Variants in SLC25A23 observed in about 807,000 individuals in gnomAD.
SLC25A23 encodes the protein solute carrier family 25 member 23.
In SLC25A23, 32 loss-of-function variants were observed where a neutral mutation model predicts 53.9. The observed-to-expected ratio is 0.59, with a 90% confidence interval of 0.45 to 0.80. The LOEUF is 0.80. SLC25A23 is among the 30% of genes least tolerant of loss of function. The pLI is 0.00. For synonymous variants in SLC25A23, 275 were observed against 264.5 expected, an observed-to-expected ratio of 1.04 and a Z score of -0.38; for missense variants, 575 against 651.4, an observed-to-expected ratio of 0.88 and a Z score of 1.28.
intron 8 of SLC25A23, among the ~76,000 whole-genome samples, chr19:6,445,503 G>C (rs1454816433): frequency 6.6e-6 from 1 of 152,152 alleles, no homozygotes; most frequent in Non-Finnish European, 1.5e-5. Context: ...CTTTGAAGAT[G>C]GAAGAAGGGA....
chr19:6,441,988 A>G lies in SLC25A23; in HGVS notation c.1394T>C (p.Val465Ala). 1 of 1,613,552 alleles carries G rather than the reference A, an allele frequency of 6.2e-7. No homozygotes were observed. Among genetic ancestry groups the G allele is most frequent in the East Asian group, 2.2e-5 (1 of 44,870 alleles). ...GCTCCGGGTCCCTCACCTGGACGTGACCCCCAAGGCCTGCTTCATGTTCTC... is the reference window on the plus strand; with the variant it reads ...GCTCCGGGTCCCTCACCTGGACGTGGCCCCCAAGGCCTGCTTCATGTTCTC... ...VYENMKQALG[V>A]TSR Residue 465 changes from valine to alanine, a missense_variant, in exon 10 of 10, where the codon GTC becomes GCC. Physicochemically the swap from Val to Ala is moderately conservative, Grantham distance 64. Coordinates refer to ENST00000301454, the MANE Select transcript of SLC25A23 (RefSeq NM_024103.3).
intron 8 of SLC25A23, among the ~76,000 whole-genome samples, chr19:6,445,421 T>C (rs1263574805): frequency 6.6e-6 from 1 of 152,160 alleles, no homozygotes; most frequent in African/African-American, 2.4e-5. Context: ...AGGGCCCTTC[T>C]AAGAGTTAGA....
chr19:6,445,815 G>A (rs1451231923), intron 8 of SLC25A23, among the ~76,000 whole-genome samples: 2 of 152,088 alleles, frequency 1.3e-5, no homozygotes, highest in Non-Finnish European at 2.9e-5. Context: ...ACTTTGGGAG[G>A]CCGAGGCAAG....
intron 7 of SLC25A23, among the ~76,000 whole-genome samples, chr19:6,453,238 A>AAT (rs2092619313): frequency 8.5e-6 from 1 of 117,116 alleles, no homozygotes; most frequent in Non-Finnish European, 1.9e-5. Context: ...ATGTGATTGA[A>AAT]GTTTTTTTTT....
At chr19:6,438,506 G>A (rs993513091), downstream of SLC25A23, 1 of 152,642 alleles carries the variant, frequency 6.6e-6, no homozygotes, top group Admixed American at 6.6e-5. Flanking sequence ...CCACGAGTTC[G>A]AGATGAGCCT....
In SLC25A23 at chr19:6,454,455, G is replaced by T; in HGVS notation, c.663C>A (p.Asn221Lys). Residue 221 changes from asparagine to lysine, a missense_variant, in exon 6 of 10, where the codon AAC becomes AAA. Transcript: ENST00000301454. This position sits in a 1 kb window ranked among gnomAD's most constrained non-coding sequence, Gnocchi z 4.3. ...GAAGCCCCCCAAGGATGTTCAGCCG[G>T]TTGGTCTTTGAGGCATGGACCTGAA... Reference protein sequence around the residue: ...VFMQVHASKTNRLNILGGLRS... With the variant: ...VFMQVHASKTKRLNILGGLRS... 1 of 1,614,138 alleles carries T rather than the reference G, an allele frequency of 6.2e-7. No homozygotes were observed. Among genetic ancestry groups the T allele is most frequent in the Non-Finnish European group, 8.5e-7 (1 of 1,180,026 alleles).
Position 6,454,120 on chromosome 19 carries a change from C to T in SLC25A23, c.796-32G>A, listed in dbSNP as rs368495972. On this transcript the variant is annotated intron_variant, in intron 6 of 9. Coordinates refer to ENST00000301454, the MANE Select transcript of SLC25A23 (RefSeq NM_024103.3). This position sits in a 1 kb window ranked among gnomAD's most constrained non-coding sequence, Gnocchi z 4.3. Reference sequence around the variant, plus strand: ...CGGGGAGACACAGGGATGGGTAGGACCATGGGGGTTGAACCTTCCTTGCAC... The same window carrying T: ...CGGGGAGACACAGGGATGGGTAGGATCATGGGGGTTGAACCTTCCTTGCAC... The T allele has an allele frequency of 1.9e-6, 3 of 1,593,450 alleles. No homozygotes were observed. Among genetic ancestry groups the T allele is most frequent in the Non-Finnish European group, 2.6e-6 (3 of 1,167,880 alleles).
chr19:6,442,944 T>G (rs905074271), intron 9 of SLC25A23, among the ~76,000 whole-genome samples: 3 of 147,244 alleles, frequency 2.0e-5, no homozygotes, highest in African/African-American at 7.5e-5. Context: ...CTTTTTTTTT[T>G]TTTTTTTTTT....
chr19:6,442,021 A>G lies in SLC25A23; in HGVS notation c.1361T>C (p.Val454Ala). 1 of 1,613,900 alleles carries G rather than the reference A, an allele frequency of 6.2e-7. No individual in the cohort carries two copies. The highest frequency in any genetic ancestry group is 2.2e-5 in the East Asian group (1 of 44,864). ...GGCCTGCTTCATGTTCTCGTAGACCACATAGGAGATGCTCACAGCTGGAAT... is the reference window on the plus strand; with the variant it reads ...GGCCTGCTTCATGTTCTCGTAGACCGCATAGGAGATGCTCACAGCTGGAAT... Reference protein sequence around the residue: ...KVIPAVSISYVVYENMKQALG... With the variant: ...KVIPAVSISYAVYENMKQALG... Residue 454 changes from valine (V) to alanine (A), a missense_variant, in exon 10 of 10, where the codon GTG becomes GCG. Coordinates refer to ENST00000301454, the MANE Select transcript of SLC25A23 (RefSeq NM_024103.3).
At chr19:6,457,418 C>T in intron 3 of SLC25A23, 85 bp downstream of exon 3, 1 of 1,240,290 alleles carries the variant, frequency 8.1e-7, no homozygotes, top group South Asian at 1.3e-5. Flanking sequence ...CTCCTTGGGA[C>T]TGGGTCTGGA....
At position 6,454,587 on chromosome 19, in the gene SLC25A23, G is replaced by A. The variant is rs772602498; in HGVS notation, c.614C>T (p.Pro205Leu). The change falls in exon 5 of 10, where the codon CCT (proline) becomes CTT (leucine). Residue 205 changes from proline (P) to leucine (L), a missense_variant. Coordinates refer to ENST00000301454, the MANE Select transcript of SLC25A23 (RefSeq NM_024103.3). This position sits in a 1 kb window ranked among gnomAD's most constrained non-coding sequence, Gnocchi z 4.3. ...AGAVSRTGTA[P>L]LDRLKVFMQV... ...CATGAAGACCTTGAGGCGGTCCAGA[G>A]GGGCCGTGCCTGTCCGTGACACGGC... 1 of 1,613,816 alleles carries A rather than the reference G, an allele frequency of 6.2e-7. No homozygotes were observed. Among genetic ancestry groups the A allele is most frequent in the South Asian group, 1.1e-5 (1 of 91,082 alleles).
In SLC25A23 at chr19:6,454,438, C is replaced by T. The variant is rs759761443; in HGVS notation, c.680G>A (p.Gly227Glu). ...ASKTNRLNILGGLRSMVLEGG... is the reference protein window; with the variant it reads ...ASKTNRLNILEGLRSMVLEGG... ...CTCAAGGACCATGCTTCGAAGCCCCCCAAGGATGTTCAGCCGGTTGGTCTT... is the reference window on the plus strand; with the variant it reads ...CTCAAGGACCATGCTTCGAAGCCCCTCAAGGATGTTCAGCCGGTTGGTCTT... The change falls in exon 6 of 10, where the codon GGG becomes GAG. Residue 227 changes from glycine to glutamate, a missense_variant. Gly to Glu is a moderately conservative substitution (Grantham distance 98, BLOSUM62 -2). Coordinates refer to ENST00000301454, the MANE Select transcript of SLC25A23 (RefSeq NM_024103.3). The surrounding 1 kb of genome is among the most constrained non-coding windows in gnomAD (Gnocchi z 4.3). 1.2e-5 allele frequency: 20 copies of T among 1,614,060 alleles called. No individual in the cohort carries two copies. In the East Asian group the frequency reaches 4.5e-4, roughly 36 times the overall value.
At chr19:6,457,801 C>T (rs975657258) in intron 2 of SLC25A23, among the ~76,000 whole-genome samples, 2 of 151,802 alleles carry the variant, frequency 1.3e-5, no homozygotes, top group African/African-American at 4.8e-5. Context: ...GGGGGCTTCT[C>T]TGTTCTGTAA....
At chr19:6,446,126 G>A (rs1220819558) in intron 8 of SLC25A23, among the ~76,000 whole-genome samples, 3 of 151,878 alleles carry the variant, frequency 2.0e-5, no homozygotes, top group Non-Finnish European at 4.4e-5. Flanking sequence ...TGCTTTGGGA[G>A]GCTGAGATGG....
In SLC25A23 at chr19:6,440,462, G is replaced by C. The variant is rs1447618375; in HGVS notation, c.*1513C>G. 1.3e-5 allele frequency: 2 copies of C among 151,576 alleles called. No individual in the cohort carries two copies. Among genetic ancestry groups the C allele is most frequent in the Non-Finnish European group, 2.9e-5 (2 of 67,812 alleles). 9.4% of individuals were successfully genotyped at this position (151,576 alleles called of 1,614,324 possible). A position where few individuals can be genotyped will look rare whatever the true frequency, so the allele number is the denominator to read the frequency against. ...GGAAGCCTGGGGAGGCCCTGATAGT[G>C]CTGGGGTGGGGACATCCCTTCATGT... On this transcript the variant is annotated 3_prime_UTR_variant, in exon 10 of 10. Transcript: ENST00000301454.
chr19:6,442,248 A>G (rs1470482254), intron 9 of SLC25A23, 89 bp from the exon 10 acceptor site: 1 of 880,456 alleles, frequency 1.1e-6, no homozygotes, highest in East Asian at 2.7e-5. Context: ...AGGTGGTGTC[A>G]TTGCAGCAGG....
Position 6,453,989 on chromosome 19 carries a change from GGTAAA to G in SLC25A23, c.890_894del (p.Ile297ThrfsTer18). On this transcript the variant is annotated frameshift_variant, in exon 7 of 10. Transcript: ENST00000301454. LOFTEE classifies it high-confidence loss of function. ...GGGTCCCTCCTTCTCACCTCCATAG[GGTAAA>G]TGATGGTTTGGGCTGTGGCACCAGC... is the stretch of plus-strand genomic sequence containing the variant. 1 of 1,612,656 alleles carries G rather than the reference GGTAAA, an allele frequency of 6.2e-7. No homozygotes were observed. The highest frequency in any genetic ancestry group is 8.5e-7 in the Non-Finnish European group (1 of 1,179,612).
At chr19:6,447,303 CTATTAT>C (rs1286206976) in intron 8 of SLC25A23, among the ~76,000 whole-genome samples, 1 of 151,864 alleles carries the variant, frequency 6.6e-6, no homozygotes, top group Non-Finnish European at 1.5e-5. Flanking sequence ...AAGACCAAAA[CTATTAT>C]TATTATTATT....
At chr19:6,450,642 A>G (rs2092574848) in intron 8 of SLC25A23, among the ~76,000 whole-genome samples, 1 of 152,228 alleles carries the variant, frequency 6.6e-6, no homozygotes, top group African/African-American at 2.4e-5. Context: ...ATGAGTGAGC[A>G]ACGGTCTTGT....
Sources: gnomAD v4.1 joint callset for allele counts (sites outside exome capture counted in the v4.1 genomes callset) on GRCh38, gnomAD v4.1.1 for gene constraint, Gnocchi (gnomAD v3.1) non-coding constraint, MANE v1.5 for transcripts, NCBI Gene and HGNC (gene_info 2026-07-23, HGNC 2026-07-21) for gene names.